IMMP2L: variants seen among roughly 807,000 people sequenced by gnomAD.
IMMP2L encodes the protein inner mitochondrial membrane peptidase subunit 2, also known as mitochondrial inner membrane protease subunit 2.
A neutral mutation model predicts 19.3 loss-of-function variants in IMMP2L; 18 were observed. The ratio of observed to expected loss-of-function variants is 0.93; its 90% confidence interval spans 0.64 to 1.38. The LOEUF is 1.38. Ranked by LOEUF, IMMP2L falls within the 40% of genes most tolerant of loss-of-function variation. The probability of loss-of-function intolerance (pLI) is 0.00; values close to 1 mark genes in which losing one functional copy is unlikely to be tolerated. For synonymous variants in IMMP2L, 76 were observed against 73.0 expected (o/e 1.04, Z -0.21); for missense variants, 233 against 218.2 (o/e 1.07, Z -0.43).
intron 5 of IMMP2L, among the ~76,000 whole-genome samples, chr7:110,856,224 G>C (rs1327886291): frequency 1.3e-5 from 2 of 152,026 alleles, no homozygotes; most frequent in Middle Eastern, 6.8e-3. Flanking sequence ...TTAAAGTAAG[G>C]TTGAAAGGGA....
intron 3 of IMMP2L, among the ~76,000 whole-genome samples, chr7:111,075,715 T>A (rs964796686): frequency 1.3e-5 from 2 of 152,148 alleles, no homozygotes; most frequent in Non-Finnish European, 2.9e-5. Flanking sequence ...CAGGACTTCT[T>A]GTCTCTGTGT....
chr7:110,810,847 C>T lies in IMMP2L; in HGVS notation c.408+75746G>A, dbSNP rs376248566. ...ATATGTGTTTTTCTTCAAATTAATA[C>T]GACTAAATATTTGAAACTTCAATTA... is the stretch of plus-strand genomic sequence containing the variant. On this transcript the variant is annotated intron_variant, in intron 5 of 5. Transcript: ENST00000405709. Among the ~76,000 whole-genome samples the T allele has an allele frequency of 5.3e-5, 8 of 152,144 alleles. No individual in the cohort carries two copies. The South Asian group carries it at 6.2e-4, about 12-fold the overall frequency.
intron 2 of IMMP2L, among the ~76,000 whole-genome samples, chr7:111,511,804 C>T (rs1216912753): frequency 2.0e-5 from 3 of 152,138 alleles, no homozygotes; most frequent in Non-Finnish European, 4.4e-5. Context: ...TCCCCCAACA[C>T]CATGGTGTCA....
intron 3 of IMMP2L, among the ~76,000 whole-genome samples, chr7:111,228,097 T>G (rs1342997100): frequency 1.3e-5 from 2 of 152,070 alleles, no homozygotes; most frequent in African/African-American, 4.8e-5. Context: ...AACCAAGAAT[T>G]CCCTCATTAA....
At chr7:111,077,131 G>C (rs1371354737) in intron 3 of IMMP2L, among the ~76,000 whole-genome samples, 1 of 152,126 alleles carries the variant, frequency 6.6e-6, no homozygotes, top group Non-Finnish European at 1.5e-5. Flanking sequence ...TGGTTGCATA[G>C]TTATATTTTT....
At chr7:111,450,016 C>A (rs1255663373) in intron 3 of IMMP2L, among the ~76,000 whole-genome samples, 1 of 150,780 alleles carries the variant, frequency 6.6e-6, no homozygotes. Context: ...ATGTGAAGCA[C>A]CTCTTCAAGG....
At chr7:110,794,152 C>T (rs570284083) in intron 5 of IMMP2L, among the ~76,000 whole-genome samples, 1 of 152,208 alleles carries the variant, frequency 6.6e-6, no homozygotes, top group African/African-American at 2.4e-5. Context: ...TCCTTGGTAT[C>T]TAACGAAATG....
chr7:111,380,717 A>G (rs1048569337), intron 3 of IMMP2L, among the ~76,000 whole-genome samples: 2 of 152,028 alleles, frequency 1.3e-5, no homozygotes, highest in African/African-American at 4.8e-5. Context: ...TTTGAGAGAG[A>G]AAAATTAGCC....
intron 5 of IMMP2L, among the ~76,000 whole-genome samples, chr7:110,820,584 A>G (rs1326658703): frequency 3.3e-5 from 5 of 151,864 alleles, no homozygotes; most frequent in African/African-American, 1.2e-4. Context: ...ACACCCACCC[A>G]CCCACTCACC....
In IMMP2L at chr7:111,389,780, C is replaced by T. The variant is rs183604294; in HGVS notation, c.239+97458G>A. On this transcript the variant is annotated intron_variant, in intron 3 of 5. Transcript: ENST00000405709. ...ATGCCCATATAACTATTAAGAAAAA[C>T]CTTAACTCTCTATGAAGGGCCACAA... 3.1e-3 allele frequency among the ~76,000 whole-genome samples: 473 copies of T among 151,978 alleles called. 4 individuals are homozygous for T. Among genetic ancestry groups the T allele is most frequent in the Non-Finnish European group, 4.8e-3 (329 of 67,966 alleles).
intron 3 of IMMP2L, among the ~76,000 whole-genome samples, chr7:111,192,550 A>C (rs1471185629): frequency 6.6e-6 from 1 of 152,122 alleles, no homozygotes; most frequent in East Asian, 1.9e-4. Flanking sequence ...GAATTTGTTT[A>C]TTTTGAAAGA....
intron 3 of IMMP2L, among the ~76,000 whole-genome samples, chr7:111,130,310 G>T (rs1274661022): frequency 6.6e-6 from 1 of 152,136 alleles, no homozygotes; most frequent in Non-Finnish European, 1.5e-5. Context: ...AAGTGGCCCA[G>T]AGTAACAGCA....
chr7:111,456,334 C>A (rs1017160536), intron 3 of IMMP2L, among the ~76,000 whole-genome samples: 2 of 151,996 alleles, frequency 1.3e-5, no homozygotes, highest in African/African-American at 4.8e-5. Context: ...TCCTCTACTT[C>A]TAAGAAAATT....
chr7:111,380,626 G>C (rs1184593844), intron 3 of IMMP2L, among the ~76,000 whole-genome samples: 3 of 151,952 alleles, frequency 2.0e-5, no homozygotes, highest in African/African-American at 7.2e-5. Flanking sequence ...ATGCAAGATG[G>C]AAATACCCAA....
chr7:110,703,578 T>A (rs1043151468), intron 5 of IMMP2L, among the ~76,000 whole-genome samples: 2 of 152,186 alleles, frequency 1.3e-5, no homozygotes, highest in Admixed American at 1.3e-4. Context: ...AATAGATAAA[T>A]ATACAAAATC....
Position 111,235,224 on chromosome 7 carries a change from C to G in IMMP2L, c.239+252014G>C, listed in dbSNP as rs375167425. 6.8e-4 allele frequency among the ~76,000 whole-genome samples: 104 copies of G among 152,190 alleles called. 3 individuals are homozygous for G. In the South Asian group the frequency reaches 0.019, roughly 28 times the overall value. On this transcript the variant is annotated intron_variant, in intron 3 of 5. Coordinates refer to ENST00000405709, the MANE Select transcript of IMMP2L (RefSeq NM_032549.4). ...CAGTGGCTCACGCCTGTAATACCAG[C>G]ACTTTGGGAGGCTGAGGCAGGCAGA...
intron 3 of IMMP2L, among the ~76,000 whole-genome samples, chr7:111,310,315 G>A (rs993502245): frequency 6.7e-6 from 1 of 150,072 alleles, no homozygotes; most frequent in East Asian, 1.9e-4. Context: ...CACGAACTTC[G>A]CCAGATTGGA....
At position 111,006,073 on chromosome 7, in the gene IMMP2L, G is replaced by A. The variant is rs755077005; in HGVS notation, c.240-42508C>T. ...GTTCTCAAGGGGCTCATCTGAGTCT[G>A]AGCCTAGAAGGCATTTTCACATTTT... On this transcript the variant is annotated intron_variant, in intron 3 of 5. Coordinates refer to ENST00000405709, the MANE Select transcript of IMMP2L (RefSeq NM_032549.4). Among the ~76,000 whole-genome samples, 3 of 152,110 alleles carry A rather than the reference G, an allele frequency of 2.0e-5. No homozygotes were observed. The South Asian group carries it at 6.2e-4, about 32-fold the overall frequency.
chr7:110,774,681 C>T (rs777083608), intron 5 of IMMP2L, among the ~76,000 whole-genome samples: 7 of 151,934 alleles, frequency 4.6e-5, no homozygotes, highest in African/African-American at 2.4e-5. Context: ...CAAGTGCCTA[C>T]GGTATTTAGA....
Sources: gnomAD v4.1 joint callset for allele counts (sites outside exome capture counted in the v4.1 genomes callset) on GRCh38, gnomAD v4.1.1 for gene constraint, MANE v1.5 for transcripts, NCBI Gene and HGNC (gene_info 2026-07-23, HGNC 2026-07-21) for gene names.